DDX60: variants seen among roughly 807,000 people sequenced by gnomAD.
DDX60 encodes the protein DExD/H-box helicase 60, also known as probable ATP-dependent RNA helicase DDX60.
In DDX60, 165 loss-of-function variants were observed where a neutral mutation model predicts 212.8. The observed-to-expected ratio is 0.78, with a 90% CI of 0.68 to 0.88. The LOEUF (loss-of-function observed/expected upper bound fraction) is 0.88. Among genes scored for constraint, DDX60 ranks in the 40% least tolerant of loss-of-function variants. The probability of loss-of-function intolerance (pLI) is 0.00; values close to 1 mark genes in which losing one functional copy is unlikely to be tolerated. For missense variants in DDX60, 1,905 were observed against 2,003.9 expected (o/e 0.95, Z 0.94); for synonymous variants, 703 against 685.3 (o/e 1.03, Z -0.40).
At chr4:168,276,530 T>G (rs1312142691) in intron 14 of DDX60, among the ~76,000 whole-genome samples, 1 of 152,234 alleles carries the variant, frequency 6.6e-6, no homozygotes, top group Non-Finnish European at 1.5e-5. Flanking sequence ...AATATCTTTA[T>G]TACTTGAAAT....
intron 10 of DDX60, among the ~76,000 whole-genome samples, chr4:168,285,929 A>AAGGAAGGG (rs1560858862): frequency 2.4e-5 from 2 of 82,956 alleles, no homozygotes; most frequent in African/African-American, 1.1e-4. Flanking sequence ...GGAAGGAAGG[A>AAGGAAGGG]AGGAAGGAAG....
chr4:168,254,862 G>A (rs1429452951), intron 26 of DDX60, among the ~76,000 whole-genome samples: 1 of 152,184 alleles, frequency 6.6e-6, no homozygotes, highest in African/African-American at 2.4e-5. Context: ...CATAAATATT[G>A]AGTATTGGTA....
At chr4:168,230,354 G>A (rs896268333) in intron 33 of DDX60, among the ~76,000 whole-genome samples, 8 of 151,924 alleles carry the variant, frequency 5.3e-5, no homozygotes, top group African/African-American at 1.7e-4. Flanking sequence ...CTACACCCTA[G>A]GACAAATGGA....
rs576115201 is a variant in DDX60, at chr4:168,238,929, T to C, written c.4165-1134A>G. ...TGATATTTGGGCCAAAAACTATTCA[T>C]CCAGCTCAGCTCTGAAAGGGTATTT... On this transcript the variant is annotated intron_variant, in intron 30 of 37. Coordinates refer to ENST00000393743, the MANE Select transcript of DDX60 (RefSeq NM_017631.6). 7.9e-5 allele frequency among the ~76,000 whole-genome samples: 12 copies of C among 152,276 alleles called. No homozygotes were observed. In the East Asian group the frequency reaches 2.3e-3, roughly 29 times the overall value.
At chr4:168,251,567 C>A (rs1039917319) in intron 27 of DDX60, among the ~76,000 whole-genome samples, 5 of 152,142 alleles carry the variant, frequency 3.3e-5, no homozygotes, top group Non-Finnish European at 7.3e-5. Flanking sequence ...AGAAGAAATA[C>A]GGTTGTGTCC....
At chr4:168,311,426 T>C (rs1349482538) in intron 1 of DDX60, 61 bp from the exon 2 acceptor site, 9 of 623,004 alleles carry the variant, frequency 1.4e-5, no homozygotes, top group African/African-American at 7.4e-5. Flanking sequence ...ATGACTACTA[T>C]ATGTAAAGCA....
At chr4:168,266,312 G>A (rs1734845462) in intron 22 of DDX60, among the ~76,000 whole-genome samples, 1 of 152,136 alleles carries the variant, frequency 6.6e-6, no homozygotes, top group African/African-American at 2.4e-5. Context: ...TAGGTTAGCT[G>A]TTCTTATTTA....
chr4:168,316,057 T>C (rs1168632512), intron 1 of DDX60, among the ~76,000 whole-genome samples: 1 of 152,114 alleles, frequency 6.6e-6, no homozygotes, highest in Non-Finnish European at 1.5e-5. Context: ...TTTAAAGAGA[T>C]AATACAGAAA....
At chr4:168,291,641 C>T in intron 8 of DDX60, 107 bp downstream of exon 8, 4 of 1,010,838 alleles carry the variant, frequency 4.0e-6, no homozygotes, top group Non-Finnish European at 4.1e-6. Flanking sequence ...TTTTATAGCC[C>T]CCAAGGGGCT....
At chr4:168,259,915 T>C (rs1441130696) in intron 25 of DDX60, among the ~76,000 whole-genome samples, 4 of 152,000 alleles carry the variant, frequency 2.6e-5, no homozygotes, top group Non-Finnish European at 4.4e-5. Flanking sequence ...GATACTTGTG[T>C]GCATATATAT....
Position 168,297,382 on chromosome 4 carries a change from G to GAGAA in DDX60, c.724-3441_724-3438dup, listed in dbSNP as rs1378653476. Among the ~76,000 whole-genome samples, 98 of 39,900 alleles carry GAGAA rather than the reference G, an allele frequency of 2.5e-3. 7 individuals carry two copies. Among genetic ancestry groups the GAGAA allele is most frequent in the African/African-American group, 2.2e-3 (8 of 3,662 alleles). The allele number at this position is 39,900 out of a possible 152,430, so 26.2% of individuals were successfully genotyped here. On this transcript the variant is annotated intron_variant, in intron 6 of 37. Coordinates refer to ENST00000393743, the MANE Select transcript of DDX60 (RefSeq NM_017631.6). Reference sequence around the variant, plus strand: ...AGAAAGAAAGAAAGAAAGAAAGAAAGAGAAAGAAAGAAAGAAAGAAAGACA... The same window carrying GAGAA: ...AGAAAGAAAGAAAGAAAGAAAGAAAGAGAAAGAAAGAAAGAAAGAAAGAAAGACA...
chr4:168,263,036 C>G (rs769249812), intron 22 of DDX60, among the ~76,000 whole-genome samples: 2 of 152,142 alleles, frequency 1.3e-5, no homozygotes, highest in Non-Finnish European at 2.9e-5. Context: ...TGCTAATTTT[C>G]TATGAACTGA....
intron 33 of DDX60, 141 bp downstream of exon 33, chr4:168,236,111 C>T (rs1257669547): frequency 1.3e-6 from 1 of 758,490 alleles, no homozygotes; most frequent in Non-Finnish European, 2.0e-6. Context: ...AAATATCACA[C>T]TGATTACAAA....
chr4:168,262,845 G>T, intron 22 of DDX60, 58 bp from the exon 23 acceptor site: 1 of 1,211,074 alleles, frequency 8.3e-7, no homozygotes, highest in Non-Finnish European at 1.1e-6. Context: ...CGTATCCTTT[G>T]CCTCTTAGTC....
Position 168,280,410 on chromosome 4 carries a change from C to T in DDX60, c.1903G>A (p.Val635Met). ...CCCACCATTTCAACCTGAAGTTTCA[C>T]ACAGCTACTTTTACAGGATTTCAAA... ...DFLKSCKSSCVKLQVEMVGLT... is the reference protein window; with the variant it reads ...DFLKSCKSSCMKLQVEMVGLT... The change falls in exon 14 of 38, where the codon GTG becomes ATG. Residue 635 changes from valine to methionine, a missense_variant. Transcript: ENST00000393743. The T allele has an allele frequency of 1.2e-6, 2 of 1,614,190 alleles. No individual in the cohort carries two copies. Among genetic ancestry groups the T allele is most frequent in the Non-Finnish European group, 1.7e-6 (2 of 1,180,032 alleles).
chr4:168,232,351 G>GA (rs1228833477), intron 33 of DDX60, among the ~76,000 whole-genome samples: 1 of 151,994 alleles, frequency 6.6e-6, no homozygotes, highest in African/African-American at 2.4e-5. Flanking sequence ...CACAGAACTA[G>GA]AAAAAACAAT....
At chr4:168,295,666 A>C (rs1165297659) in intron 6 of DDX60, among the ~76,000 whole-genome samples, 3 of 152,174 alleles carry the variant, frequency 2.0e-5, no homozygotes, top group Non-Finnish European at 4.4e-5. Context: ...ATTCAGCTGA[A>C]GTTTTTCTTT....
chr4:168,279,299 C>T (rs972462763), intron 14 of DDX60, among the ~76,000 whole-genome samples: 4 of 152,220 alleles, frequency 2.6e-5, no homozygotes, highest in African/African-American at 9.6e-5. Context: ...CTAGACAATG[C>T]ACCTAGCCAT....
chr4:168,227,958 T>C (rs1207461000), intron 33 of DDX60, among the ~76,000 whole-genome samples: 1 of 152,144 alleles, frequency 6.6e-6, no homozygotes, highest in Non-Finnish European at 1.5e-5. Context: ...GTGTGACTTG[T>C]ATAAATAGCA....
Sources: allele counts gnomAD v4.1 joint callset (sites outside exome capture counted in the v4.1 genomes callset), GRCh38; gene constraint gnomAD v4.1.1; transcripts MANE v1.5; gene names NCBI Gene and HGNC (gene_info 2026-07-23, HGNC 2026-07-21).